PKD2: variants seen among roughly 807,000 people sequenced by gnomAD.
PKD2 encodes polycystin-2.
A neutral mutation model predicts 105.9 loss-of-function variants in PKD2; 48 were observed. The observed-to-expected ratio is 0.45, with a 90% CI of 0.36 to 0.58. The LOEUF is 0.58. Ranked by LOEUF, PKD2 falls within the 20% of genes least tolerant of loss-of-function variation. The pLI is 0.00. For missense variants in PKD2, 1,078 were observed against 1,255.3 expected (o/e 0.86, Z 2.13); for synonymous variants, 464 against 481.1 (o/e 0.96, Z 0.46).
At chr4:88,051,249 C>T (rs186497265) in intron 6 of PKD2, among the ~76,000 whole-genome samples, 73 of 152,274 alleles carry the variant, frequency 4.8e-4, no homozygotes, top group African/African-American at 1.5e-3. Flanking sequence ...TTCTTGAGCC[C>T]TCTGTATTCA....
At chr4:88,011,102 A>C (rs1290260798) in intron 1 of PKD2, among the ~76,000 whole-genome samples, 2 of 152,232 alleles carry the variant, frequency 1.3e-5, no homozygotes, top group South Asian at 4.1e-4. Flanking sequence ...GCCTGGACCA[A>C]AGGAAGCCAA....
At chr4:88,009,428 A>G (rs1383103719) in intron 1 of PKD2, among the ~76,000 whole-genome samples, 2 of 152,110 alleles carry the variant, frequency 1.3e-5, no homozygotes, top group Non-Finnish European at 1.5e-5. Flanking sequence ...TCCCAGTTCC[A>G]CCACTCATTA....
chr4:88,033,457 TC>T (rs1727231132), intron 2 of PKD2, among the ~76,000 whole-genome samples: 1 of 151,862 alleles, frequency 6.6e-6, no homozygotes, highest in Admixed American at 6.6e-5. Context: ...ACAATAATCT[TC>T]CCTTCAAAGC....
At chr4:88,057,596 C>T (rs1489434772) in intron 8 of PKD2, among the ~76,000 whole-genome samples, 1 of 151,926 alleles carries the variant, frequency 6.6e-6, no homozygotes, top group East Asian at 1.9e-4. Flanking sequence ...CCACCAAGCC[C>T]AGCTAATTTT....
At chr4:88,033,973 C>T (rs1041649930) in intron 2 of PKD2, among the ~76,000 whole-genome samples, 2 of 152,148 alleles carry the variant, frequency 1.3e-5, no homozygotes. Flanking sequence ...GTTGGCTAGG[C>T]AGCACTCTCC....
chr4:88,042,503 T>C (rs1188998850), intron 4 of PKD2, among the ~76,000 whole-genome samples: 5 of 152,148 alleles, frequency 3.3e-5, no homozygotes, highest in Admixed American at 3.3e-4. Flanking sequence ...CATTCACCTG[T>C]GCAAGTCCAG....
intron 3 of PKD2, among the ~76,000 whole-genome samples, chr4:88,037,192 G>GC (rs1237437557): frequency 6.6e-6 from 1 of 152,024 alleles, no homozygotes; most frequent in Non-Finnish European, 1.5e-5. Context: ...CCATGGCCAT[G>GC]CTACTGCATT....
chr4:88,054,321 A>G (rs1484696772), intron 7 of PKD2, among the ~76,000 whole-genome samples: 1 of 151,764 alleles, frequency 6.6e-6, no homozygotes, highest in East Asian at 1.9e-4. Flanking sequence ...GAATTGCTTG[A>G]ACCCAGGAAG....
At chr4:88,068,581 A>G (rs985562753) in intron 13 of PKD2, among the ~76,000 whole-genome samples, 1 of 152,250 alleles carries the variant, frequency 6.6e-6, no homozygotes, top group African/African-American at 2.4e-5. Flanking sequence ...ATTTCTACCA[A>G]TGAAAAATGT....
intron 2 of PKD2, among the ~76,000 whole-genome samples, chr4:88,020,328 TTG>T (rs2110089920): frequency 6.6e-6 from 1 of 152,374 alleles, no homozygotes; most frequent in Non-Finnish European, 1.5e-5. Flanking sequence ...TTTGGATATG[TTG>T]TGTCATTGCC....
At chr4:88,016,677 A>G (rs1457202019) in intron 1 of PKD2, among the ~76,000 whole-genome samples, 2 of 152,170 alleles carry the variant, frequency 1.3e-5, no homozygotes, top group African/African-American at 2.4e-5. Flanking sequence ...GAAAATACAC[A>G]GGGCCAAGCA....
At chr4:88,030,195 A>G (rs775004726) in intron 2 of PKD2, among the ~76,000 whole-genome samples, 1 of 152,180 alleles carries the variant, frequency 6.6e-6, no homozygotes, top group Non-Finnish European at 1.5e-5. Context: ...TCTGTCACCC[A>G]GGCTGGGGTG....
intron 8 of PKD2, among the ~76,000 whole-genome samples, chr4:88,057,529 G>A (rs943392285): frequency 6.7e-6 from 1 of 149,218 alleles, no homozygotes; most frequent in Non-Finnish European, 1.5e-5. Flanking sequence ...TCTGCCTCCC[G>A]GGTTCAAGCG....
chr4:88,042,797 T>C (rs1727618550), intron 4 of PKD2, among the ~76,000 whole-genome samples: 1 of 152,230 alleles, frequency 6.6e-6, no homozygotes, highest in South Asian at 2.1e-4. Flanking sequence ...TGAATATTTG[T>C]GGATGAAATT....
At chr4:88,040,490 C>A (rs1727520567) in intron 4 of PKD2, among the ~76,000 whole-genome samples, 1 of 152,188 alleles carries the variant, frequency 6.6e-6, no homozygotes, top group African/African-American at 2.4e-5. Context: ...TCCTTTTATT[C>A]TTCTACATTC....
chr4:88,063,196 T>C (rs1277223129), intron 10 of PKD2, among the ~76,000 whole-genome samples: 1 of 152,214 alleles, frequency 6.6e-6, no homozygotes, highest in Non-Finnish European at 1.5e-5. Context: ...AAGCATGTAG[T>C]GTTGCTTCCT....
intron 2 of PKD2, among the ~76,000 whole-genome samples, chr4:88,034,934 C>T (rs1727281490): frequency 6.6e-6 from 1 of 152,120 alleles, no homozygotes; most frequent in Non-Finnish European, 1.5e-5. Context: ...CAGAATGAGA[C>T]AGTACTTGGT....
chr4:88,068,211 C>G (rs1720868209), intron 13 of PKD2, 150 bp downstream of exon 13: 1 of 767,730 alleles, frequency 1.3e-6, no homozygotes, highest in Non-Finnish European at 2.2e-6. Flanking sequence ...TGGCTCATGC[C>G]TGTAATCCCA....
chr4:88,017,615 G>A (rs1315219207), intron 1 of PKD2, among the ~76,000 whole-genome samples: 1 of 152,076 alleles, frequency 6.6e-6, no homozygotes, highest in Admixed American at 6.5e-5. Flanking sequence ...TCACCATGTT[G>A]GCCAGACTGG....
Sources: gnomAD v4.1 joint callset for allele counts (sites outside exome capture counted in the v4.1 genomes callset) on GRCh38, gnomAD v4.1.1 for gene constraint, MANE v1.5 for transcripts, NCBI Gene and HGNC (gene_info 2026-07-23, HGNC 2026-07-21) for gene names.